The following CTTNBP2NL variants were observed in gnomAD, a reference collection of about 807,000 sequenced individuals.
The protein encoded by CTTNBP2NL is CTTNBP2 N-terminal-like protein.
In CTTNBP2NL, 16 loss-of-function variants were observed where a neutral mutation model predicts 32.5. That is an observed-to-expected ratio of 0.49 (90% CI 0.33 to 0.75). CTTNBP2NL has a LOEUF of 0.75. CTTNBP2NL is among the 30% of genes least tolerant of loss of function. The pLI is 0.02. For missense variants in CTTNBP2NL, 645 were observed against 756.0 expected, an observed-to-expected ratio of 0.85 and a Z score of 1.72; for synonymous variants, 298 against 289.4, an observed-to-expected ratio of 1.03 and a Z score of -0.30.
intron 4 of CTTNBP2NL, among the ~76,000 whole-genome samples, chr1:112,450,512 T>C (rs561103183): frequency 3.3e-5 from 5 of 152,224 alleles, no homozygotes; most frequent in African/African-American, 1.2e-4. Context: ...TTTACATAAT[T>C]CTCTAAAAAT....
chr1:112,450,059 T>A (rs1650172243), intron 4 of CTTNBP2NL, among the ~76,000 whole-genome samples: 2 of 152,252 alleles, frequency 1.3e-5, no homozygotes, highest in Non-Finnish European at 2.9e-5. Flanking sequence ...AAGGCAGTTA[T>A]CAGTGCATTT....
upstream of CTTNBP2NL, among the ~76,000 whole-genome samples, chr1:112,394,572 TG>T (rs1648264839): frequency 6.6e-6 from 1 of 152,242 alleles, no homozygotes; most frequent in South Asian, 2.1e-4. Context: ...CAGTATACCC[TG>T]CATCATTACT....
At chr1:112,431,324 T>C (rs1379284532) in intron 3 of CTTNBP2NL, among the ~76,000 whole-genome samples, 1 of 152,190 alleles carries the variant, frequency 6.6e-6, no homozygotes, top group Admixed American at 6.5e-5. Context: ...TTTCTAGTTG[T>C]CCCCATAAAG....
intron 3 of CTTNBP2NL, among the ~76,000 whole-genome samples, chr1:112,438,155 A>G (rs1557893953): frequency 6.6e-6 from 1 of 152,106 alleles, no homozygotes; most frequent in Non-Finnish European, 1.5e-5. Context: ...TTTTAATGAT[A>G]TTGATTCTAC....
intron 1 of CTTNBP2NL, among the ~76,000 whole-genome samples, chr1:112,411,770 C>G (rs556657058): frequency 6.6e-6 from 1 of 152,056 alleles, no homozygotes; most frequent in Non-Finnish European, 1.5e-5. Flanking sequence ...ACAAGCTCCA[C>G]CTCCTGGGTT....
intron 3 of CTTNBP2NL, among the ~76,000 whole-genome samples, chr1:112,429,223 A>G (rs568564486): frequency 3.9e-5 from 6 of 152,360 alleles, no homozygotes; most frequent in African/African-American, 1.4e-4. Context: ...TAAATGAACT[A>G]TGGGATCTGA....
intron 1 of CTTNBP2NL, among the ~76,000 whole-genome samples, chr1:112,400,759 T>TC (rs1258682707): frequency 1.3e-5 from 2 of 151,396 alleles, no homozygotes; most frequent in Non-Finnish European, 2.9e-5. Flanking sequence ...GCCATTGCAC[T>TC]CCAGCCTGGG....
chr1:112,395,134 C>T (rs533582066), upstream of CTTNBP2NL, among the ~76,000 whole-genome samples: 1 of 152,230 alleles, frequency 6.6e-6, no homozygotes, highest in East Asian at 1.9e-4. Flanking sequence ...TGCTGTCTTG[C>T]GAATTATAAT....
intron 3 of CTTNBP2NL, 109 bp downstream of exon 3, chr1:112,416,373 G>T: frequency 1.6e-6 from 1 of 633,736 alleles, no homozygotes; most frequent in East Asian, 2.8e-5. Context: ...AAATTAAATG[G>T]AGGACATACT....
chr1:112,421,869 G>A (rs773899317), intron 3 of CTTNBP2NL, among the ~76,000 whole-genome samples: 1 of 152,108 alleles, frequency 6.6e-6, no homozygotes, highest in Non-Finnish European at 1.5e-5. Context: ...ATGAAAACAG[G>A]AAATACAGGG....
upstream of CTTNBP2NL, among the ~76,000 whole-genome samples, chr1:112,395,281 G>C (rs1383874600): frequency 6.6e-6 from 1 of 152,192 alleles, no homozygotes; most frequent in Non-Finnish European, 1.5e-5. Context: ...TCTGTGAGCT[G>C]ACAGCCATTC....
At chr1:112,440,946 A>T (rs1386209234) in intron 3 of CTTNBP2NL, among the ~76,000 whole-genome samples, 1 of 152,046 alleles carries the variant, frequency 6.6e-6, no homozygotes, top group Non-Finnish European at 1.5e-5. Context: ...CTTTGATTTG[A>T]CCTTCCTATC....
chr1:112,442,950 A>G (rs1466754192), intron 3 of CTTNBP2NL, among the ~76,000 whole-genome samples: 2 of 152,060 alleles, frequency 1.3e-5, no homozygotes, highest in African/African-American at 4.8e-5. Flanking sequence ...TCGGCCTCTC[A>G]AAGTGCTGGT....
intron 3 of CTTNBP2NL, among the ~76,000 whole-genome samples, chr1:112,420,343 A>C (rs1291660640): frequency 6.6e-6 from 1 of 151,342 alleles, no homozygotes; most frequent in African/African-American, 2.4e-5. Context: ...ATGGGGTTTT[A>C]CCGTATTGGC....
chr1:112,432,394 G>GTC, intron 3 of CTTNBP2NL, among the ~76,000 whole-genome samples: 1 of 152,046 alleles, frequency 6.6e-6, no homozygotes, highest in African/African-American at 2.4e-5. Context: ...AATACTTACT[G>GTC]ATGATGGAAT....
intron 3 of CTTNBP2NL, among the ~76,000 whole-genome samples, chr1:112,435,634 T>C (rs193121782): frequency 1.3e-5 from 2 of 152,364 alleles, no homozygotes; most frequent in Non-Finnish European, 1.5e-5. Flanking sequence ...GAACAATTTG[T>C]TCTTCAGGCA....
intron 3 of CTTNBP2NL, among the ~76,000 whole-genome samples, chr1:112,447,142 T>C (rs887616129): frequency 7.9e-5 from 12 of 151,438 alleles, no homozygotes; most frequent in African/African-American, 2.7e-4. Flanking sequence ...GGCGTGGTGG[T>C]GGGCACCTGT....
At chr1:112,395,334 C>T (rs1648288108), upstream of CTTNBP2NL, among the ~76,000 whole-genome samples, 1 of 152,198 alleles carries the variant, frequency 6.6e-6, no homozygotes, top group South Asian at 2.1e-4. Context: ...GGTAGGGATA[C>T]AACTAGTTAT....
chr1:112,395,270 A>G (rs1234880327), upstream of CTTNBP2NL, among the ~76,000 whole-genome samples: 2 of 152,242 alleles, frequency 1.3e-5, no homozygotes, highest in Non-Finnish European at 2.9e-5. Context: ...AGCTGCATCA[A>G]TCTGTGAGCT....
Sources: allele counts gnomAD v4.1 joint callset (sites outside exome capture counted in the v4.1 genomes callset), GRCh38; gene constraint gnomAD v4.1.1; transcripts MANE v1.5; gene names NCBI Gene and HGNC (gene_info 2026-07-23, HGNC 2026-07-21).